Variants in SNX25 observed in about 807,000 individuals in gnomAD.
SNX25 encodes sorting nexin 25.
A neutral mutation model predicts 113.7 loss-of-function variants in SNX25; 62 were observed. The ratio of observed to expected loss-of-function variants is 0.55; its 90% CI spans 0.44 to 0.67. The LOEUF (loss-of-function observed/expected upper bound fraction) is 0.67. Ranked by LOEUF, SNX25 falls within the 30% of genes least tolerant of loss-of-function variation. The pLI is 0.00. For synonymous variants in SNX25, 421 were observed against 436.2 expected (o/e 0.97, Z 0.43); for missense variants, 1,014 against 1,161.0 (o/e 0.87, Z 1.84).
intron 7 of SNX25, among the ~76,000 whole-genome samples, chr4:185,312,616 G>A (rs976147765): frequency 1.3e-5 from 2 of 151,078 alleles, no homozygotes; most frequent in Admixed American, 1.3e-4. Flanking sequence ...TCCACCTCCC[G>A]GGTTCAGGCC....
intron 1 of SNX25, among the ~76,000 whole-genome samples, chr4:185,233,931 C>T (rs1378198703): frequency 6.6e-6 from 1 of 152,144 alleles, no homozygotes; most frequent in Non-Finnish European, 1.5e-5. Flanking sequence ...GATCTTGGCT[C>T]ACTGTAAACT....
At chr4:185,216,566 C>A (rs1413576254) in intron 1 of SNX25, among the ~76,000 whole-genome samples, 3 of 128,432 alleles carry the variant, frequency 2.3e-5, no homozygotes, top group Non-Finnish European at 3.1e-5. Context: ...GTTGCCCAGG[C>A]TGGAGTGCAG....
At chr4:185,211,443 A>C (rs1737777680) in intron 1 of SNX25, among the ~76,000 whole-genome samples, 1 of 152,162 alleles carries the variant, frequency 6.6e-6, no homozygotes, top group African/African-American at 2.4e-5. Context: ...ATTTAGCAGG[A>C]GTTGCGGAGC....
At chr4:185,242,572 G>T (rs980356815) in intron 1 of SNX25, among the ~76,000 whole-genome samples, 1 of 152,204 alleles carries the variant, frequency 6.6e-6, no homozygotes, top group Non-Finnish European at 1.5e-5. Context: ...GAAATGCTAC[G>T]GTGAGGTATG....
intron 9 of SNX25, among the ~76,000 whole-genome samples, 156 bp downstream of exon 9, chr4:185,323,956 G>A (rs1290467044): frequency 6.6e-6 from 1 of 152,160 alleles, no homozygotes; most frequent in Non-Finnish European, 1.5e-5. Context: ...TAATATACAA[G>A]ACCTTAAATA....
rs1164980714 is a variant in SNX25, at chr4:185,210,118, C to T, written c.292C>T (p.Leu98=). ...CGTCCTGTTCAGGCTCAGCCTGTAC[C>T]TGAGCTGCGCGGCGGCCGCCTTCCT... ...SSVLFRLSLY[L]SCAAAAFLLG... The change falls in exon 1 of 19, where the codon CTG becomes TTG. Residue 98 remains leucine (L), a synonymous_variant. Transcript: ENST00000652585. This position sits in a 1 kb window ranked among gnomAD's most constrained non-coding sequence, Gnocchi z 4.4. 1 of 984,104 alleles carries T rather than the reference C, an allele frequency of 1.0e-6. No homozygotes were observed. The highest frequency in any genetic ancestry group is 1.8e-5 in the African/African-American group (1 of 57,086). The allele number at this position is 984,104 out of a possible 1,614,324, so 61.0% of individuals were successfully genotyped here. A position where few individuals can be genotyped will look rare whatever the true frequency, so the allele number is the denominator to read the frequency against.
In SNX25 at chr4:185,282,265, G is replaced by A. The variant is rs143289813; in HGVS notation, c.1092-5747G>A. On this transcript the variant is annotated intron_variant, in intron 5 of 18. Transcript: ENST00000652585. ...CAACCTCCACCTCCCGAGTTCAAGCGATTCCCCTGCCTCAGCCTCCCGAGT... is the reference window on the plus strand; with the variant it reads ...CAACCTCCACCTCCCGAGTTCAAGCAATTCCCCTGCCTCAGCCTCCCGAGT... Among the ~76,000 whole-genome samples the A allele has an allele frequency of 5.0e-3, 760 of 152,176 alleles. 7 individuals are homozygous for A. The highest frequency in any genetic ancestry group is 0.017 in the African/African-American group (694 of 41,522).
Position 185,332,714 on chromosome 4 carries a change from G to A in SNX25, c.1869G>A (p.Arg623=). ...TAAATGAGAAACTTGAATATAAAAG[G>A]CAAGCTCTAAATTCTATTCAAAATG... ...RELNEKLEYK[R]QALNSIQNAP... is the part of the protein sequence containing the mutation. Residue 623 remains arginine (R), a synonymous_variant, in exon 10 of 19, where the codon AGG becomes AGA. Transcript: ENST00000652585. 1 of 1,613,964 alleles carries A rather than the reference G, an allele frequency of 6.2e-7. No homozygotes were observed. The highest frequency in any genetic ancestry group is 8.5e-7 in the Non-Finnish European group (1 of 1,179,968).
chr4:185,304,898 A>G (rs1384367459), intron 6 of SNX25, among the ~76,000 whole-genome samples: 1 of 152,184 alleles, frequency 6.6e-6, no homozygotes, highest in Middle Eastern at 3.2e-3. Flanking sequence ...TCTCTATTCC[A>G]TATGTCGATT....
rs1452371688 is a variant in SNX25, at chr4:185,361,909, T to G, written c.2652-15T>G. The G allele has an allele frequency of 6.2e-7, 1 of 1,610,986 alleles. No individual in the cohort carries two copies. Among genetic ancestry groups the G allele is most frequent in the African/African-American group, 1.3e-5 (1 of 74,652 alleles). The stretch of plus-strand genomic sequence containing the variant: ...TTTTAAAAACCTCATCCAAGAAATC[T>G]TTTTCTCTTAAAAGACAAATCCGGG... On this transcript the variant is annotated splice_polypyrimidine_tract_variant and intron_variant, in intron 16 of 18. Coordinates refer to ENST00000652585, the MANE Select transcript of SNX25 (RefSeq NM_001378034.2).
chr4:185,260,233 A>G (rs1411402252), intron 3 of SNX25, among the ~76,000 whole-genome samples: 4 of 148,190 alleles, frequency 2.7e-5, no homozygotes, highest in Non-Finnish European at 3.0e-5. Context: ...CTTAAAAGAA[A>G]GTAAAACAAT....
At chr4:185,243,233 A>G (rs1334043270) in intron 1 of SNX25, among the ~76,000 whole-genome samples, 10 of 152,220 alleles carry the variant, frequency 6.6e-5, no homozygotes, top group Admixed American at 3.3e-4. Context: ...ATTTTTGAGT[A>G]TACAGTTCAG....
intron 8 of SNX25, 137 bp downstream of exon 8, chr4:185,321,001 T>A: frequency 1.5e-6 from 1 of 660,018 alleles, no homozygotes; most frequent in Non-Finnish European, 2.3e-6. Flanking sequence ...CATTATGTTC[T>A]AGCCCATAAT....
chr4:185,208,862 T>C (rs1016589111), upstream of SNX25, among the ~76,000 whole-genome samples: 7 of 152,272 alleles, frequency 4.6e-5, no homozygotes, highest in African/African-American at 1.7e-4. Context: ...TGGCATCTAC[T>C]TAGCAAGCGT....
chr4:185,333,957 G>C (rs929081581), intron 10 of SNX25, among the ~76,000 whole-genome samples: 1 of 150,460 alleles, frequency 6.6e-6, no homozygotes, highest in Non-Finnish European at 1.5e-5. Flanking sequence ...GCTGAGAAAG[G>C]AAGATCTCTT....
rs766947165 is a variant in SNX25, at chr4:185,345,312, C to G, written c.2188-1225C>G. Among the ~76,000 whole-genome samples, 37 of 152,240 alleles carry G rather than the reference C, an allele frequency of 2.4e-4. No individual in the cohort carries two copies. The Middle Eastern group carries it at 0.01, about 42-fold the overall frequency. ...TTGGGTACTTAGTGATTTTAGTCTT[C>G]CCTTCCAACTCTCACTGCCTGTTTC... On this transcript the variant is annotated intron_variant, in intron 12 of 18. Transcript: ENST00000652585.
chr4:185,310,827 A>G lies in SNX25; in HGVS notation c.1344+11A>G, dbSNP rs764558207. On this transcript the variant is annotated intron_variant, in intron 7 of 18. Transcript: ENST00000652585. ...CCTCAAAGCCAGAAGGTAGAACTTT[A>G]TAGTTTCTTGTTTTGACCCTACCAA... 4.4e-6 allele frequency: 7 copies of G among 1,592,732 alleles called. No individual in the cohort carries two copies. The highest frequency in any genetic ancestry group is 6.0e-6 in the Non-Finnish European group (7 of 1,172,424).
Position 185,356,363 on chromosome 4 carries a change from A to G in SNX25, c.2585-1308A>G, listed in dbSNP as rs118023887. On this transcript the variant is annotated intron_variant, in intron 15 of 18. Transcript: ENST00000652585. ...TTCCTAGAGTTGCACTTGTCCTCAG[A>G]CCCTCTAGGTATGAGCCACCTCTTT... Among the ~76,000 whole-genome samples the G allele has an allele frequency of 1.5e-3, 221 of 152,148 alleles. No individual in the cohort carries two copies. The East Asian group carries it at 0.024, about 17-fold the overall frequency.
chr4:185,207,592 A>T (rs1737241944), upstream of SNX25: 1 of 152,070 alleles, frequency 6.6e-6, no homozygotes, highest in Non-Finnish European at 1.5e-5. Flanking sequence ...CTGTAATATG[A>T]GATGAGTAAA....
Sources: allele counts gnomAD v4.1 joint callset (sites outside exome capture counted in the v4.1 genomes callset), GRCh38; gene constraint gnomAD v4.1.1; non-coding constraint Gnocchi (gnomAD v3.1); transcripts MANE v1.5; gene names NCBI Gene and HGNC (gene_info 2026-07-23, HGNC 2026-07-21).